The following CCR6 variants were observed in gnomAD, a reference collection of about 807,000 sequenced individuals.
CCR6 encodes C-C chemokine receptor type 6.
Under a neutral mutation model 3.0 loss-of-function variants are expected in CCR6, and 2 were observed. The observed-to-expected ratio is 0.66, with a 90% CI of 0.27 to 2.07. The LOEUF (loss-of-function observed/expected upper bound fraction) is 2.07, where lower values mean the gene tolerates loss of function less well. Ranked by LOEUF, CCR6 falls within the 30% of genes most tolerant of loss-of-function variation. The pLI, the probability that CCR6 is intolerant of heterozygous loss-of-function variation, is 0.14. For missense variants in CCR6, 322 were observed against 462.8 expected (o/e 0.70, Z 2.79); for synonymous variants, 193 against 184.3 (o/e 1.05, Z -0.38).
chr6:167,113,138 G>A (rs1400220862), intron 1 of CCR6, among the ~76,000 whole-genome samples: 2 of 151,968 alleles, frequency 1.3e-5, no homozygotes, highest in African/African-American at 4.8e-5. Flanking sequence ...CTCTAAGGCA[G>A]CCTGAGAAAG....
intron 1 of CCR6, 50 bp from the exon 2 acceptor site, chr6:167,135,988 C>T (rs993164735): frequency 1.6e-5 from 13 of 810,934 alleles, no homozygotes; most frequent in African/African-American, 1.2e-4. Flanking sequence ...TCTGGCTCTC[C>T]AGGAATACCT....
chr6:167,129,203 G>T (rs1781715697), intron 1 of CCR6, among the ~76,000 whole-genome samples: 1 of 152,168 alleles, frequency 6.6e-6, no homozygotes, highest in African/African-American at 2.4e-5. Flanking sequence ...AATTGTACTT[G>T]CACCTGGATC....
intron 1 of CCR6, chr6:167,127,261 C>T (rs1441031179): frequency 6.6e-6 from 1 of 152,162 alleles, no homozygotes; most frequent in African/African-American, 2.4e-5. Flanking sequence ...AAAAATTTCC[C>T]AAAGTGTTTC....
At chr6:167,112,211 T>C (rs79780485) in intron 1 of CCR6, among the ~76,000 whole-genome samples, 2,661 of 152,330 alleles carry the variant, frequency 0.017, 67 homozygotes, top group East Asian at 0.089. Flanking sequence ...GAGTCTATTA[T>C]GTGACATGCT....
chr6:167,119,966 A>G (rs976695518), upstream of CCR6, among the ~76,000 whole-genome samples: 1 of 152,154 alleles, frequency 6.6e-6, no homozygotes, highest in Non-Finnish European at 1.5e-5. Context: ...TTTTGTAAAA[A>G]CCAACAAATG....
In CCR6 at chr6:167,136,210, C is replaced by A. The variant is rs1462872190; in HGVS notation, c.10-30C>A. Reference sequence around the variant, plus strand: ...CTGTGGCTACTTGAACACTACACTGCAGCTAACTCTATCTTTGTTTCCTTT... The same window carrying A: ...CTGTGGCTACTTGAACACTACACTGAAGCTAACTCTATCTTTGTTTCCTTT... On this transcript the variant is annotated intron_variant, in intron 2 of 2. Transcript: ENST00000341935. This position sits in a 1 kb window ranked among gnomAD's most constrained non-coding sequence, Gnocchi z 4.6. The A allele has an allele frequency of 1.2e-6, 2 of 1,608,734 alleles. No homozygotes were observed. Among genetic ancestry groups the A allele is most frequent in the African/African-American group, 2.7e-5 (2 of 74,804 alleles).
intron 1 of CCR6, chr6:167,116,180 A>G (rs1230550760): frequency 6.6e-6 from 1 of 152,298 alleles, no homozygotes; most frequent in Non-Finnish European, 1.5e-5. Flanking sequence ...AGAGATCACG[A>G]GAGAGAATGC....
chr6:167,129,587 A>C (rs1190755745), intron 1 of CCR6: 2 of 148,154 alleles, frequency 1.3e-5, no homozygotes, highest in Admixed American at 1.3e-4. Context: ...ACATTCCCTG[A>C]ATATTTTTGA....
chr6:167,136,187 G>C lies in CCR6; in HGVS notation c.9+44G>C, dbSNP rs368226324. On this transcript the variant is annotated intron_variant, in intron 2 of 2. Transcript: ENST00000341935. This position sits in a 1 kb window ranked among gnomAD's most constrained non-coding sequence, Gnocchi z 4.6. ...GCAAGGGGTATAATTTGGGTTCACT[G>C]TGGCTACTTGAACACTACACTGCAG... The C allele has an allele frequency of 9.5e-5, 153 of 1,612,522 alleles. No homozygotes were observed. The African/African-American group carries it at 1.3e-3, about 13-fold the overall frequency.
At chr6:167,117,784 A>G (rs573647276), upstream of CCR6, among the ~76,000 whole-genome samples, 7 of 151,930 alleles carry the variant, frequency 4.6e-5, no homozygotes, top group East Asian at 9.7e-4. Context: ...TATTCCCTCA[A>G]TGTATTCTTC....
In CCR6 at chr6:167,137,319, C is replaced by CCA. The variant is rs1184768543; in HGVS notation, c.1089_1090insCA (p.Ala364GlnfsTer46). The CCA allele has an allele frequency of 6.2e-7, 1 of 1,613,380 alleles. No homozygotes were observed. The highest frequency in any genetic ancestry group is 8.5e-7 in the Non-Finnish European group (1 of 1,179,946). On this transcript the variant is annotated frameshift_variant, in exon 3 of 3. Coordinates refer to ENST00000341935, the MANE Select transcript of CCR6 (RefSeq NM_031409.4). LOFTEE classifies it high-confidence loss of function. This position sits in a 1 kb window ranked among gnomAD's most constrained non-coding sequence, Gnocchi z 4.6. ...ACATTTCTCGGCAGACCAGTGAGAC[C>CCA]GCAGATAACGACAATGCGTCGTCCT...
chr6:167,133,679 A>G (rs1781803198), intron 1 of CCR6, among the ~76,000 whole-genome samples: 1 of 151,670 alleles, frequency 6.6e-6, no homozygotes, highest in African/African-American at 2.4e-5. Context: ...TGTTGTATCT[A>G]CAGATCGATT....
intron 1 of CCR6, among the ~76,000 whole-genome samples, chr6:167,128,774 A>G (rs941537410): frequency 6.6e-6 from 1 of 152,112 alleles, no homozygotes; most frequent in Non-Finnish European, 1.5e-5. Context: ...AGGTTTCACC[A>G]TGTTGGCCAT....
chr6:167,136,901 T>G lies in CCR6; in HGVS notation c.671T>G (p.Phe224Cys). The G allele has an allele frequency of 1.9e-6, 3 of 1,614,230 alleles. No individual in the cohort carries two copies. Among genetic ancestry groups the G allele is most frequent in the Non-Finnish European group, 1.7e-6 (2 of 1,180,052 alleles). ...GGGCTTGAGCTACTCTTTGGTTTCT[T>G]TATCCCTTTGATGTTCATGATATTT... ...MLGLELLFGFFIPLMFMIFCY... is the reference protein window; with the variant it reads ...MLGLELLFGFCIPLMFMIFCY... The change falls in exon 3 of 3, where the codon TTT (phenylalanine) becomes TGT (cysteine). Residue 224 changes from phenylalanine to cysteine, a missense_variant. Coordinates refer to ENST00000341935, the MANE Select transcript of CCR6 (RefSeq NM_031409.4). This position sits in a 1 kb window ranked among gnomAD's most constrained non-coding sequence, Gnocchi z 4.6.
chr6:167,136,164 A>G lies in CCR6; in HGVS notation c.9+21A>G, dbSNP rs200741825. On this transcript the variant is annotated intron_variant, in intron 2 of 2. Coordinates refer to ENST00000341935, the MANE Select transcript of CCR6 (RefSeq NM_031409.4). This position sits in a 1 kb window ranked among gnomAD's most constrained non-coding sequence, Gnocchi z 4.6. ...GCGGGGTAAGATTTTTATTTTTGGC[A>G]AGGGGTATAATTTGGGTTCACTGTG... 34 of 1,613,292 alleles carry G rather than the reference A, an allele frequency of 2.1e-5. No homozygotes were observed. In the Middle Eastern group the frequency reaches 4.9e-4, roughly 23 times the overall value.
At chr6:167,117,523 T>C (rs1279039999) in intron 1 of CCR6, among the ~76,000 whole-genome samples, 4 of 150,158 alleles carry the variant, frequency 2.7e-5, no homozygotes, top group Non-Finnish European at 5.9e-5. Context: ...TTCACGCCAT[T>C]CTCCTGCCTC....
intron 1 of CCR6, among the ~76,000 whole-genome samples, chr6:167,130,973 A>ACTCCTCCCTCTGGGC (rs1562559580): frequency 7.5e-5 from 6 of 79,996 alleles, no homozygotes; most frequent in East Asian, 3.3e-4. Flanking sequence ...TCCCTCTGGG[A>ACTCCTCCCTCTGGGC]CCACCCTCCC....
Position 167,137,437 on chromosome 6 carries a change from T to C in CCR6, c.*82T>C, listed in dbSNP as rs886381225. ...AAAAAAGTCTATGGCCAGGTATGCA[T>C]GGAAAATGTGGGAATTAAGCAAAAT... On this transcript the variant is annotated 3_prime_UTR_variant, in exon 3 of 3. Coordinates refer to ENST00000341935, the MANE Select transcript of CCR6 (RefSeq NM_031409.4). This position sits in a 1 kb window ranked among gnomAD's most constrained non-coding sequence, Gnocchi z 4.6. 2.9e-6 allele frequency: 4 copies of C among 1,385,002 alleles called. No homozygotes were observed. Among genetic ancestry groups the C allele is most frequent in the Non-Finnish European group, 3.9e-6 (4 of 1,021,894 alleles). The allele number at this position is 1,385,002 out of a possible 1,614,324, so 85.8% of individuals were successfully genotyped here.
At chr6:167,129,884 T>C (rs1781726413) in intron 1 of CCR6, among the ~76,000 whole-genome samples, 1 of 151,598 alleles carries the variant, frequency 6.6e-6, no homozygotes, top group Non-Finnish European at 1.5e-5. Flanking sequence ...CAGCTGAATA[T>C]TGGAAAAGAA....
Sources: gnomAD v4.1 joint callset for allele counts (sites outside exome capture counted in the v4.1 genomes callset) on GRCh38, gnomAD v4.1.1 for gene constraint, Gnocchi (gnomAD v3.1) non-coding constraint, MANE v1.5 for transcripts, NCBI Gene and HGNC (gene_info 2026-07-23, HGNC 2026-07-21) for gene names.